The following AGBL3 variants were observed in gnomAD, a reference collection of about 807,000 sequenced individuals.
AGBL3 encodes the protein AGBL carboxypeptidase 3, also known as cytosolic carboxypeptidase 3.
AGBL3 carries 68 observed loss-of-function variants against 94.5 expected under a neutral mutation model. That is an observed-to-expected ratio of 0.72 (90% CI 0.59 to 0.88). AGBL3 has a LOEUF of 0.88. Ranked by LOEUF, AGBL3 falls within the 40% of genes least tolerant of loss-of-function variation. The pLI is 0.00. For missense variants in AGBL3, 934 were observed against 1,103.8 expected, an observed-to-expected ratio of 0.85 and a Z score of 2.18; for synonymous variants, 354 against 370.7, an observed-to-expected ratio of 0.95 and a Z score of 0.52.
chr7:135,134,739 C>A, intron 16 of AGBL3, 102 bp from the exon 17 acceptor site: 4 of 1,106,560 alleles, frequency 3.6e-6, no homozygotes, highest in South Asian at 1.8e-5. Context: ...AAGTTATGAA[C>A]TTACTAAAAG....
In AGBL3 at chr7:135,059,217, T is replaced by C; in HGVS notation, c.1890T>C (p.Leu630=). ...SSESIDSLTY[L]LKLTSQKKHL... Reference sequence around the variant, plus strand: ...AATCCATTGACTCTCTGACTTACCTTCTCAAGTTAACTTCTCAGGTATGAC... The same window carrying C: ...AATCCATTGACTCTCTGACTTACCTCCTCAAGTTAACTTCTCAGGTATGAC... The change falls in exon 12 of 17, where the codon CTT becomes CTC. Residue 630 remains leucine (L), a synonymous_variant. Transcript: ENST00000436302. 6.4e-7 allele frequency: 1 copy of C among 1,551,092 alleles called. No individual in the cohort carries two copies. The highest frequency in any genetic ancestry group is 8.7e-7 in the Non-Finnish European group (1 of 1,146,588).
chr7:135,090,556 T>C (rs778469392), intron 15 of AGBL3, among the ~76,000 whole-genome samples: 4 of 152,130 alleles, frequency 2.6e-5, no homozygotes, highest in Non-Finnish European at 4.4e-5. Flanking sequence ...GCTGTGACTA[T>C]TCTGGGTGGC....
At chr7:135,030,672 T>C (rs1815639372) in intron 5 of AGBL3, among the ~76,000 whole-genome samples, 1 of 152,148 alleles carries the variant, frequency 6.6e-6, no homozygotes, top group South Asian at 2.1e-4. Context: ...TTTTTTTCCA[T>C]ACCACTCTTT....
chr7:135,050,264 T>C (rs898868806), intron 11 of AGBL3, among the ~76,000 whole-genome samples: 3 of 151,968 alleles, frequency 2.0e-5, no homozygotes, highest in Non-Finnish European at 4.4e-5. Context: ...TAATAATACT[T>C]GTTTGTTAAA....
chr7:135,034,542 A>G lies in AGBL3; in HGVS notation c.951A>G (p.Pro317=). ...ACCTTTCTGGCATCAATAATGATCC[A>G]GTACGGTCAAAGTTTTGTAAAATAC... The part of the protein sequence containing the change: ...QEYLSGINND[P]VRSKFCKIRV... Residue 317 remains proline, a synonymous_variant, in exon 7 of 17, where the codon CCA becomes CCG. Transcript: ENST00000436302. 6.4e-7 allele frequency: 1 copy of G among 1,551,962 alleles called. No individual in the cohort carries two copies. Among genetic ancestry groups the G allele is most frequent in the Non-Finnish European group, 8.7e-7 (1 of 1,147,032 alleles).
At chr7:135,086,218 T>C (rs893632964) in intron 15 of AGBL3, among the ~76,000 whole-genome samples, 2 of 151,932 alleles carry the variant, frequency 1.3e-5, no homozygotes, top group African/African-American at 4.8e-5. Flanking sequence ...GTTCTAGGAG[T>C]ATTTGATAGA....
chr7:135,133,517 T>C (rs1829079967), intron 16 of AGBL3, among the ~76,000 whole-genome samples: 1 of 152,192 alleles, frequency 6.6e-6, no homozygotes, highest in Non-Finnish European at 1.5e-5. Context: ...CTATCTGATT[T>C]CAAGAACTTT....
intron 1 of AGBL3, 117 bp from the exon 2 acceptor site, chr7:134,987,758 A>C (rs1809657248): frequency 3.7e-6 from 2 of 537,636 alleles, no homozygotes; most frequent in Admixed American, 7.7e-5. Context: ...TATTCTAATT[A>C]GTTTTTAGAG....
chr7:134,989,409 A>G, intron 3 of AGBL3, 99 bp downstream of exon 3: 3 of 808,036 alleles, frequency 3.7e-6, no homozygotes, highest in Non-Finnish European at 5.7e-6. Context: ...AATATAGGGA[A>G]TGATTATTCT....
chr7:135,030,389 C>T (rs1815599683), intron 5 of AGBL3, among the ~76,000 whole-genome samples: 2 of 152,076 alleles, frequency 1.3e-5, no homozygotes, highest in South Asian at 4.2e-4. Flanking sequence ...GGTATAACTT[C>T]ATTGTAAGTC....
intron 7 of AGBL3, among the ~76,000 whole-genome samples, chr7:135,036,224 G>A (rs534353107): frequency 2.6e-5 from 4 of 151,986 alleles, no homozygotes; most frequent in Non-Finnish European, 4.4e-5. Context: ...TTAACACCAC[G>A]CTTTCTTACT....
chr7:134,993,602 C>G lies in AGBL3; in HGVS notation c.234C>G (p.Val78=), dbSNP rs770641709. 1.3e-6 allele frequency: 2 copies of G among 1,552,118 alleles called. No homozygotes were observed. Among genetic ancestry groups the G allele is most frequent in the South Asian group, 2.4e-5 (2 of 84,058 alleles). The change falls in exon 4 of 17, where the codon GTC becomes GTG. Residue 78 remains valine (V), a synonymous_variant. Transcript: ENST00000436302. ...RLREPRDLYG[V]SSSGPLSPTR... is the part of the protein sequence containing the mutation. ...GTGAACCAAGGGATTTATATGGTGT[C>G]TCTTCTTCTGGTCCATTGAGCCCAA...
At chr7:135,038,866 G>A (rs1816559714) in intron 8 of AGBL3, among the ~76,000 whole-genome samples, 1 of 152,010 alleles carries the variant, frequency 6.6e-6, no homozygotes, top group African/African-American at 2.4e-5. Context: ...GGCTGAGGCA[G>A]GAGAATGGTG....
chr7:135,122,553 G>A (rs1343955305), intron 16 of AGBL3, among the ~76,000 whole-genome samples: 1 of 152,110 alleles, frequency 6.6e-6, no homozygotes, highest in African/African-American at 2.4e-5. Flanking sequence ...TCGTTAAATG[G>A]GTCCTGTTCC....
chr7:135,020,274 G>C (rs1483051661), intron 5 of AGBL3, among the ~76,000 whole-genome samples: 1 of 152,122 alleles, frequency 6.6e-6, no homozygotes, highest in African/African-American at 2.4e-5. Context: ...TTCTCAAAAG[G>C]AGACATTTAT....
chr7:134,996,401 A>C (rs1180712645), intron 4 of AGBL3, among the ~76,000 whole-genome samples: 1 of 152,040 alleles, frequency 6.6e-6, no homozygotes, highest in African/African-American at 2.4e-5. Flanking sequence ...GGGACATGAA[A>C]CTCTCAGGGG....
chr7:135,098,626 G>A (rs975723134), intron 15 of AGBL3, among the ~76,000 whole-genome samples: 1 of 152,086 alleles, frequency 6.6e-6, no homozygotes, highest in Non-Finnish European at 1.5e-5. Flanking sequence ...GTGTAATGTG[G>A]GCTTGATAAG....
At position 135,034,861 on chromosome 7, in the gene AGBL3, C is replaced by G; in HGVS notation, c.1270C>G (p.Arg424Gly). The G allele has an allele frequency of 6.4e-7, 1 of 1,550,950 alleles. No individual in the cohort carries two copies. Among genetic ancestry groups the G allele is most frequent in the East Asian group, 2.4e-5 (1 of 40,918 alleles). ...RCSLAGRDLNRNYTSLLKESF... is the reference protein window; with the variant it reads ...RCSLAGRDLNGNYTSLLKESF... ...TTCCTTAGCTGGACGGGATTTAAAC[C>G]GTAATTATACATCTCTCCTGAAGGA... Residue 424 changes from arginine to glycine, a missense_variant, in exon 7 of 17, where the codon CGT (arginine) becomes GGT (glycine). Physicochemically the swap from Arg to Gly is moderately radical, Grantham distance 125. Transcript: ENST00000436302.
At chr7:135,047,283 C>G (rs552279045) in intron 11 of AGBL3, among the ~76,000 whole-genome samples, 92 of 152,036 alleles carry the variant, frequency 6.1e-4, no homozygotes, top group Non-Finnish European at 1.1e-3. Context: ...TTTATCCATT[C>G]ATTTGTCAAA....
Sources: gnomAD v4.1 joint callset for allele counts (sites outside exome capture counted in the v4.1 genomes callset) on GRCh38, gnomAD v4.1.1 for gene constraint, MANE v1.5 for transcripts, NCBI Gene and HGNC (gene_info 2026-07-23, HGNC 2026-07-21) for gene names.